Variants in EHD4 observed in about 807,000 individuals in gnomAD.
EHD4 encodes the protein EH domain containing 4, also known as EH domain-containing protein 4.
Under a neutral mutation model 51.0 loss-of-function variants are expected in EHD4, and 37 were observed. That is an observed-to-expected ratio of 0.73 (90% confidence interval 0.56 to 0.95). EHD4 has a LOEUF of 0.95. Among genes scored for constraint, EHD4 ranks in the 40% least tolerant of loss-of-function variants. The pLI is 0.00. For synonymous variants in EHD4, 297 were observed against 317.3 expected (o/e 0.94, Z 0.68); for missense variants, 632 against 733.1 (o/e 0.86, Z 1.59).
chr15:41,937,227 C>A (rs2067737572), intron 3 of EHD4, among the ~76,000 whole-genome samples: 1 of 152,216 alleles, frequency 6.6e-6, no homozygotes, highest in African/African-American at 2.4e-5. Context: ...CGCCCACCTG[C>A]CATGGACCCA....
Position 41,919,389 on chromosome 15 carries a change from T to C in EHD4, c.745A>G (p.Thr249Ala). The change falls in exon 4 of 6, where the codon ACG (threonine) becomes GCG (alanine). Residue 249 changes from threonine to alanine, a missense_variant. By Grantham distance (58) the Thr-to-Ala change is moderately conservative. Transcript: ENST00000220325. ...ATGTAGACGCGCAGTACCTCGGGCG[T>C]GTTGATGACCTTGCCTAGGGACCAC... ...LMWSLGKVIN[T>A]PEVLRVYIGS... The C allele has an allele frequency of 6.2e-7, 1 of 1,610,760 alleles. No homozygotes were observed. The highest frequency in any genetic ancestry group is 1.1e-5 in the South Asian group (1 of 90,786).
chr15:41,934,086 G>A (rs565392909), intron 3 of EHD4, among the ~76,000 whole-genome samples: 6 of 152,104 alleles, frequency 3.9e-5, no homozygotes, highest in East Asian at 1.9e-4. Flanking sequence ...CTTCACCCTC[G>A]GGCATACAGA....
At chr15:41,901,351 T>C (rs1018066743) in intron 5 of EHD4, among the ~76,000 whole-genome samples, 170 bp from the exon 6 acceptor site, 5 of 152,208 alleles carry the variant, frequency 3.3e-5, no homozygotes, top group African/African-American at 1.2e-4. Context: ...ATAGGAGTGG[T>C]TGTTTTGGAA....
chr15:41,932,500 C>T (rs1192281580), intron 3 of EHD4, among the ~76,000 whole-genome samples: 1 of 152,140 alleles, frequency 6.6e-6, no homozygotes, highest in Non-Finnish European at 1.5e-5. Context: ...CTTTGCATCT[C>T]GATTTGGATT....
chr15:41,964,772 A>AAAT (rs1555383543), intron 1 of EHD4, among the ~76,000 whole-genome samples: 1 of 143,422 alleles, frequency 7.0e-6, no homozygotes, highest in African/African-American at 2.6e-5. Context: ...AAAAAAAAAA[A>AAAT]ATATATATAT....
intron 1 of EHD4, among the ~76,000 whole-genome samples, chr15:41,968,993 T>C (rs990440642): frequency 5.9e-5 from 9 of 152,206 alleles, no homozygotes; most frequent in African/African-American, 1.7e-4. Flanking sequence ...TGTTGAACTA[T>C]AGTTTCCCCC....
chr15:41,934,850 C>A (rs1159508219), intron 3 of EHD4, among the ~76,000 whole-genome samples: 2 of 152,218 alleles, frequency 1.3e-5, no homozygotes, highest in Non-Finnish European at 2.9e-5. Flanking sequence ...AACTGAGTGG[C>A]AGGCCCAGGG....
At chr15:41,922,923 C>T (rs1374903272) in intron 3 of EHD4, among the ~76,000 whole-genome samples, 1 of 152,160 alleles carries the variant, frequency 6.6e-6, no homozygotes, top group Admixed American at 6.5e-5. Flanking sequence ...CGGTCTGTCA[C>T]ACATCAGGCA....
chr15:41,964,017 C>T (rs1053591688), intron 1 of EHD4, among the ~76,000 whole-genome samples: 6 of 151,450 alleles, frequency 4.0e-5, no homozygotes, highest in South Asian at 4.2e-4. Context: ...TGGTGGTGGG[C>T]GCCTGTAGTC....
chr15:41,963,052 G>A (rs1020505774), intron 1 of EHD4, among the ~76,000 whole-genome samples: 4 of 152,234 alleles, frequency 2.6e-5, no homozygotes, highest in South Asian at 2.1e-4. Context: ...ATGGATTAAG[G>A]GCAGTGCAAG....
At chr15:41,938,206 T>C (rs1415320005) in intron 3 of EHD4, among the ~76,000 whole-genome samples, 3 of 152,208 alleles carry the variant, frequency 2.0e-5, no homozygotes, top group Non-Finnish European at 1.5e-5. Context: ...GTTCAACCTG[T>C]ATTGTGTTTG....
At chr15:41,929,122 C>T (rs1365221929) in intron 3 of EHD4, among the ~76,000 whole-genome samples, 3 of 152,202 alleles carry the variant, frequency 2.0e-5, no homozygotes, top group Admixed American at 6.5e-5. Context: ...ACAGAACCTA[C>T]CAAAATTTAA....
chr15:41,909,758 G>A lies in EHD4; in HGVS notation c.1030C>T (p.Gln344Ter), dbSNP rs760862597. The change falls in exon 5 of 6, where the codon CAG (glutamine) becomes TAG (stop). Residue 344 changes from glutamine (Q) to a stop codon, truncating the protein, a stop_gained. Coordinates refer to ENST00000220325, the MANE Select transcript of EHD4 (RefSeq NM_139265.4). LOFTEE classifies it high-confidence loss of function. The stretch of plus-strand genomic sequence containing the variant: ...GAAATCTGGTATTCTCGCTGTAGCT[G>A]AATGTAGATTTCCGGTAGCCTGCTG... ...LISRLPEIYI[Q>*]LQREYQISAG... The A allele has an allele frequency of 3.7e-6, 6 of 1,614,072 alleles. No individual in the cohort carries two copies. The highest frequency in any genetic ancestry group is 1.3e-5 in the African/African-American group (1 of 74,924).
Position 41,941,823 on chromosome 15 carries a change from C to A in EHD4, c.511+1244G>T, listed in dbSNP as rs757389344. ...ATTGGCCTCGGAATCCCTTTCTTGACCCCTGTCACGGGACCCTCACTGGCC... is the reference window on the plus strand; with the variant it reads ...ATTGGCCTCGGAATCCCTTTCTTGAACCCTGTCACGGGACCCTCACTGGCC... On this transcript the variant is annotated intron_variant, in intron 3 of 5. Coordinates refer to ENST00000220325, the MANE Select transcript of EHD4 (RefSeq NM_139265.4). The A allele has an allele frequency of 2.0e-5, 3 of 152,280 alleles. No homozygotes were observed. In the South Asian group the frequency reaches 6.2e-4, roughly 32 times the overall value. The allele number at this position is 152,280 out of a possible 1,614,324, so 9.4% of individuals were successfully genotyped here.
In EHD4 at chr15:41,900,992, G is replaced by C. The variant is rs2067474016; in HGVS notation, c.1279C>G (p.Gln427Glu). Residue 427 changes from glutamine to glutamate, a missense_variant, in exon 6 of 6, where the codon CAG (glutamine) becomes GAG (glutamate). Transcript: ENST00000220325. This position sits in a 1 kb window ranked among gnomAD's most constrained non-coding sequence, Gnocchi z 4.8. ...FDGTTEGPFN[Q>E]GYGEGAKEGA... is the part of the protein sequence containing the mutation. ...TCCTTGGCACCCTCCCCGTAGCCCT[G>C]GTTGAAGGGGCCCTCGGTGGTGCCA... 6.2e-7 allele frequency: 1 copy of C among 1,609,070 alleles called. No individual in the cohort carries two copies. Among genetic ancestry groups the C allele is most frequent in the African/African-American group, 1.3e-5 (1 of 74,970 alleles).
intron 3 of EHD4, among the ~76,000 whole-genome samples, chr15:41,937,638 G>C (rs1049910952): frequency 6.6e-6 from 1 of 152,222 alleles, no homozygotes; most frequent in Non-Finnish European, 1.5e-5. Flanking sequence ...ACCAAAGCCT[G>C]AGAGGGGAAG....
At chr15:41,957,097 G>A (rs549613314) in intron 1 of EHD4, among the ~76,000 whole-genome samples, 10 of 152,160 alleles carry the variant, frequency 6.6e-5, no homozygotes, top group South Asian at 2.1e-4. Flanking sequence ...TTGGGAGGCC[G>A]CAGTGGGAGG....
intron 4 of EHD4, among the ~76,000 whole-genome samples, chr15:41,910,307 C>T (rs981193557): frequency 6.6e-6 from 1 of 152,160 alleles, no homozygotes; most frequent in Admixed American, 6.5e-5. Context: ...CCATAACCCC[C>T]CTGTTATGGG....
intron 3 of EHD4, among the ~76,000 whole-genome samples, chr15:41,938,654 C>A (rs1295468345): frequency 2.0e-5 from 3 of 152,166 alleles, no homozygotes; most frequent in African/African-American, 4.8e-5. Context: ...TTAGATAGAG[C>A]TTTTTCCTTC....
Sources: gnomAD v4.1 joint callset for allele counts (sites outside exome capture counted in the v4.1 genomes callset) on GRCh38, gnomAD v4.1.1 for gene constraint, Gnocchi (gnomAD v3.1) non-coding constraint, MANE v1.5 for transcripts, NCBI Gene and HGNC (gene_info 2026-07-23, HGNC 2026-07-21) for gene names.